VCPIP1: variants seen among roughly 807,000 people sequenced by gnomAD.
VCPIP1 encodes deubiquitinating protein VCPIP1.
Under a neutral mutation model 85.0 loss-of-function variants are expected in VCPIP1, and 8 were observed. The observed-to-expected ratio is 0.09, with a 90% CI of 0.06 to 0.17. VCPIP1 has a LOEUF of 0.17. Among genes scored for constraint, VCPIP1 ranks in the 10% least tolerant of loss-of-function variants. VCPIP1 has a pLI of 1.00. For missense variants in VCPIP1, 1,070 were observed against 1,486.3 expected (o/e 0.72, Z 4.61); for synonymous variants, 543 against 544.5 (o/e 1.00, Z 0.04).
At chr8:66,646,389 T>C (rs1007311114) in intron 2 of VCPIP1, among the ~76,000 whole-genome samples, 1 of 152,102 alleles carries the variant, frequency 6.6e-6, no homozygotes, top group African/African-American at 2.4e-5. Flanking sequence ...AATACCCTGA[T>C]AAACCCATCA....
At chr8:66,641,938 A>G (rs964813221) in intron 2 of VCPIP1, among the ~76,000 whole-genome samples, 3 of 152,172 alleles carry the variant, frequency 2.0e-5, no homozygotes, top group African/African-American at 7.2e-5. Flanking sequence ...GTTTCCATTT[A>G]TCTTGTGTAT....
In VCPIP1 at chr8:66,665,291, C is replaced by T; in HGVS notation, c.1668G>A (p.Val556=). 1.9e-6 allele frequency: 3 copies of T among 1,614,168 alleles called. No individual in the cohort carries two copies. Among genetic ancestry groups the T allele is most frequent in the Non-Finnish European group, 2.5e-6 (3 of 1,180,018 alleles). ...AATTAGTTCTGTCTCCATCCAAATA[C>T]ACAATAGACCCATCTCCTCTGACCT... ...VRKVRGDGSI[V]YLDGDRTNSR... Residue 556 remains valine, a synonymous_variant, in exon 1 of 3, where the codon GTG becomes GTA. Transcript: ENST00000310421. The surrounding 1 kb of genome is among the most constrained non-coding windows in gnomAD (Gnocchi z 4.3).
chr8:66,651,099 C>A (rs1341709269), intron 2 of VCPIP1, among the ~76,000 whole-genome samples: 1 of 147,064 alleles, frequency 6.8e-6, no homozygotes, highest in East Asian at 2.1e-4. Context: ...GCAGGAGAAT[C>A]GCTTGAACCC....
chr8:66,637,418 G>A (rs1249986150), intron 2 of VCPIP1, among the ~76,000 whole-genome samples: 142 of 150,910 alleles, frequency 9.4e-4, no homozygotes, highest in South Asian at 2.1e-4. Flanking sequence ...GATATGCCGG[G>A]CACAGTGGCT....
At chr8:66,645,945 A>G (rs1308644403) in intron 2 of VCPIP1, among the ~76,000 whole-genome samples, 4 of 149,594 alleles carry the variant, frequency 2.7e-5, no homozygotes, top group Non-Finnish European at 5.9e-5. Flanking sequence ...AACCAAAAAC[A>G]AGAAATATAA....
At chr8:66,655,551 T>C (rs578175522) in intron 1 of VCPIP1, among the ~76,000 whole-genome samples, 1 of 152,296 alleles carries the variant, frequency 6.6e-6, no homozygotes, top group Non-Finnish European at 1.5e-5. Flanking sequence ...CTTAAAGCAA[T>C]CCAGAATAAA....
At chr8:66,649,369 G>T (rs966405377) in intron 2 of VCPIP1, among the ~76,000 whole-genome samples, 11 of 152,002 alleles carry the variant, frequency 7.2e-5, no homozygotes, top group African/African-American at 2.2e-4. Flanking sequence ...AAAATTAGCT[G>T]GGCATGGTGG....
In VCPIP1 at chr8:66,631,912, C is replaced by T. The variant is rs1410021576; in HGVS notation, c.*2589G>A. ...TTCTAGATACATACTATCTTCAACACTACCTGGACTTTAGGTCATCAACTT... is the reference window on the plus strand; with the variant it reads ...TTCTAGATACATACTATCTTCAACATTACCTGGACTTTAGGTCATCAACTT... On this transcript the variant is annotated 3_prime_UTR_variant, in exon 3 of 3. Coordinates refer to ENST00000310421, the MANE Select transcript of VCPIP1 (RefSeq NM_025054.5). 6 of 152,418 alleles carry T rather than the reference C, an allele frequency of 3.9e-5. No individual in the cohort carries two copies. Among genetic ancestry groups the T allele is most frequent in the Admixed American group, 3.9e-4 (6 of 15,266 alleles). The allele number at this position is 152,418 out of a possible 1,614,324, so 9.4% of individuals were successfully genotyped here.
At position 66,664,352 on chromosome 8, in the gene VCPIP1, C is replaced by A. The variant is rs748614476; in HGVS notation, c.2607G>T (p.Val869=). Residue 869 remains valine (V), a synonymous_variant, in exon 1 of 3, where the codon GTG becomes GTT. Coordinates refer to ENST00000310421, the MANE Select transcript of VCPIP1 (RefSeq NM_025054.5). Reference sequence around the variant, plus strand: ...CAGTAACAGCAATATCTTCTTGTTTCACAGTGTGGGCTGAGTGTGCTGCAG... The same window carrying A: ...CAGTAACAGCAATATCTTCTTGTTTAACAGTGTGGGCTGAGTGTGCTGCAG... The part of the protein sequence containing the change: ...QSAAAHSAHT[V]KQEDIAVTGK... 2 of 1,613,232 alleles carry A rather than the reference C, an allele frequency of 1.2e-6. No homozygotes were observed. The highest frequency in any genetic ancestry group is 2.7e-5 in the African/African-American group (2 of 74,928).
rs1216357848 is a variant in VCPIP1 at position 66,629,303 on chromosome 8, ATACTC to A, written c.*5193_*5197del. The A allele has an allele frequency of 1.3e-5, 2 of 152,236 alleles. No homozygotes were observed. The highest frequency in any genetic ancestry group is 2.9e-5 in the Non-Finnish European group (2 of 68,036). The allele number at this position is 152,236 out of a possible 1,614,324, so 9.4% of individuals were successfully genotyped here. A position where few individuals can be genotyped will look rare whatever the true frequency, so the allele number is the denominator to read the frequency against. Reference sequence around the variant, plus strand: ...CCTAGGCAGTCTGGTGTCTAAGGCTATACTCTAAATTATTGAGTTAAATGATCTAA... The same window carrying A: ...CCTAGGCAGTCTGGTGTCTAAGGCTATAAATTATTGAGTTAAATGATCTAA... On this transcript the variant is annotated 3_prime_UTR_variant, in exon 3 of 3. Transcript: ENST00000310421.
rs1341290538 is a variant in VCPIP1, at chr8:66,634,121, C to CATT, written c.*377_*379dup. ...GAGATGGTTACCTTGATGACATCAA[C>CATT]ATTAGCACAATCTCATTTCCCCTCC... is the stretch of plus-strand genomic sequence containing the variant. On this transcript the variant is annotated 3_prime_UTR_variant, in exon 3 of 3. Transcript: ENST00000310421. 6.1e-6 allele frequency: 1 copy of CATT among 163,934 alleles called. No individual in the cohort carries two copies. Among genetic ancestry groups the CATT allele is most frequent in the Non-Finnish European group, 1.3e-5 (1 of 76,034 alleles). 10.2% of individuals were successfully genotyped at this position (163,934 alleles called of 1,614,324 possible).
rs1485824695 is a variant in VCPIP1 at position 66,633,600 on chromosome 8, TAC to T, written c.*899_*900del. ...AAATTTTGGCTCAAAGGGGCATAAATACACTTAGCATATACAGGCTTAAATAC... is the reference window on the plus strand; with the variant it reads ...AAATTTTGGCTCAAAGGGGCATAAATACTTAGCATATACAGGCTTAAATAC... On this transcript the variant is annotated 3_prime_UTR_variant, in exon 3 of 3. Coordinates refer to ENST00000310421, the MANE Select transcript of VCPIP1 (RefSeq NM_025054.5). 3 of 150,950 alleles carry T rather than the reference TAC, an allele frequency of 2.0e-5. No homozygotes were observed. The East Asian group carries it at 5.8e-4, about 29-fold the overall frequency. The allele number at this position is 150,950 out of a possible 1,614,324, so 9.4% of individuals were successfully genotyped here.
At position 66,664,430 on chromosome 8, in the gene VCPIP1, G is replaced by A. The variant is rs781152320; in HGVS notation, c.2529C>T (p.Gly843=). The A allele has an allele frequency of 6.8e-6, 11 of 1,613,508 alleles. No homozygotes were observed. Among genetic ancestry groups the A allele is most frequent in the African/African-American group, 1.3e-5 (1 of 74,898 alleles). ...MEKEPVPLQH[G]DRITIEILKS... The stretch of plus-strand genomic sequence containing the variant: ...TTAGAATTTCTATTGTAATTCTGTC[G>A]CCATGCTGTAAAGGAACTGGTTCCT... Residue 843 remains glycine (G), a synonymous_variant, in exon 1 of 3, where the codon GGC becomes GGT. Transcript: ENST00000310421.
Position 66,634,646 on chromosome 8 carries a change from G to T in VCPIP1, c.3524C>A (p.Thr1175Asn), listed in dbSNP as rs372520581. The change falls in exon 3 of 3, where the codon ACT becomes AAT. Residue 1175 changes from threonine to asparagine, a missense_variant. Physicochemically the swap from Thr to Asn is moderately conservative, Grantham distance 65. This residue lies in a region of VCPIP1 where 255 missense variants were observed against 289.5 expected (regional missense o/e 0.88). Transcript: ENST00000310421. ...GGTENLNTET[T>N]DGCVADALGA... ...CAGTGCATCTGCTACACAGCCATCA[G>T]TTGTTTCTGTATTCAAATTTTCAGT... 5.6e-6 allele frequency: 9 copies of T among 1,614,048 alleles called. No individual in the cohort carries two copies. The highest frequency in any genetic ancestry group is 6.8e-6 in the Non-Finnish European group (8 of 1,180,048).
In VCPIP1 at chr8:66,628,840, A is replaced by G. The variant is rs1810805834; in HGVS notation, c.*5661T>C. 1 of 152,232 alleles carries G rather than the reference A, an allele frequency of 6.6e-6. No individual in the cohort carries two copies. The highest frequency in any genetic ancestry group is 1.5e-5 in the Non-Finnish European group (1 of 68,050). 9.4% of individuals were successfully genotyped at this position (152,232 alleles called of 1,614,324 possible). A position where few individuals can be genotyped will look rare whatever the true frequency, so the allele number is the denominator to read the frequency against. On this transcript the variant is annotated 3_prime_UTR_variant, in exon 3 of 3. Coordinates refer to ENST00000310421, the MANE Select transcript of VCPIP1 (RefSeq NM_025054.5). ...TATGACGACAATGGTCGGCAGAACA[A>G]AAGGTTGACAATTGTGAAACCACAA...
rs1811202854 is a variant in VCPIP1 at position 66,665,798 on chromosome 8, C to T, written c.1161G>A (p.Lys387=). 1.9e-6 allele frequency: 3 copies of T among 1,614,144 alleles called. No individual in the cohort carries two copies. Among genetic ancestry groups the T allele is most frequent in the Non-Finnish European group, 1.7e-6 (2 of 1,180,040 alleles). The change falls in exon 1 of 3, where the codon AAG becomes AAA. Residue 387 remains lysine (K), a synonymous_variant. Coordinates refer to ENST00000310421, the MANE Select transcript of VCPIP1 (RefSeq NM_025054.5). This position sits in a 1 kb window ranked among gnomAD's most constrained non-coding sequence, Gnocchi z 4.3. ...CACCATCCTCTTCAAGTTTTATGTA[C>T]TTTTTAATAAGGTCCTGAGGCACAC... ...AWGVPQDLIK[K]YIKLEEDGGC...
Position 66,628,843 on chromosome 8 carries a change from G to A in VCPIP1, c.*5658C>T, listed in dbSNP as rs1163018769. The A allele has an allele frequency of 2.6e-5, 4 of 152,180 alleles. No homozygotes were observed. The highest frequency in any genetic ancestry group is 4.8e-5 in the African/African-American group (2 of 41,436). 9.4% of individuals were successfully genotyped at this position (152,180 alleles called of 1,614,324 possible). ...GACGACAATGGTCGGCAGAACAAAA[G>A]GTTGACAATTGTGAAACCACAAGGT... On this transcript the variant is annotated 3_prime_UTR_variant, in exon 3 of 3. Coordinates refer to ENST00000310421, the MANE Select transcript of VCPIP1 (RefSeq NM_025054.5).
At chr8:66,650,575 T>C (rs1811042301) in intron 2 of VCPIP1, among the ~76,000 whole-genome samples, 1 of 152,052 alleles carries the variant, frequency 6.6e-6, no homozygotes. Context: ...ATGCACAATG[T>C]GAAAGAAGCT....
rs79658632 is a variant in VCPIP1 at position 66,641,591 on chromosome 8, T to C, written c.2798-6219A>G. Among the ~76,000 whole-genome samples the C allele has an allele frequency of 6.3e-4, 96 of 152,320 alleles. 1 individual carries two copies. The highest frequency in any genetic ancestry group is 1.9e-3 in the African/African-American group (78 of 41,584). ...GTTTCATCACCCCAAAAAGAAACCCTGAACCTTAGCAGTCATTCCCTCTAC... is the reference window on the plus strand; with the variant it reads ...GTTTCATCACCCCAAAAAGAAACCCCGAACCTTAGCAGTCATTCCCTCTAC... On this transcript the variant is annotated intron_variant, in intron 2 of 2. Transcript: ENST00000310421.
Sources: allele counts gnomAD v4.1 joint callset (sites outside exome capture counted in the v4.1 genomes callset), GRCh38; gene constraint gnomAD v4.1.1; regional missense constraint gnomAD v4.1.1; non-coding constraint Gnocchi (gnomAD v3.1); transcripts MANE v1.5; gene names NCBI Gene and HGNC (gene_info 2026-07-23, HGNC 2026-07-21).